The following RNF141 variants were observed in gnomAD, a reference collection of about 807,000 sequenced individuals.
RNF141 encodes C3HC4-like zinc finger protein.
A neutral mutation model predicts 27.4 loss-of-function variants in RNF141; 18 were observed. The observed-to-expected ratio is 0.66, with a 90% CI of 0.45 to 0.97. The LOEUF is 0.97. Ranked by LOEUF, RNF141 falls within the 50% of genes least tolerant of loss-of-function variation. The probability of loss-of-function intolerance (pLI) is 0.00; values close to 1 mark genes in which losing one functional copy is unlikely to be tolerated. For missense variants in RNF141, 230 were observed against 279.4 expected (o/e 0.82, Z 1.26); for synonymous variants, 97 against 96.6 (o/e 1.00, Z -0.02).
chr11:10,532,407 C>T (rs1049695163), intron 2 of RNF141, among the ~76,000 whole-genome samples: 2 of 151,586 alleles, frequency 1.3e-5, no homozygotes, highest in African/African-American at 2.4e-5. Context: ...TAAATACACA[C>T]AGTAAAATGT....
rs540119049 is a variant in RNF141 at position 10,525,392 on chromosome 11, T to C, written c.253-19A>G. On this transcript the variant is annotated intron_variant, in intron 3 of 5. Coordinates refer to ENST00000265981, the MANE Select transcript of RNF141 (RefSeq NM_016422.4). ...TGTTAATCTAAAAATACAAAGAACA[T>C]GAAAAAGAAAAGTTGATCATTTCTC... is the stretch of plus-strand genomic sequence containing the variant. 57 of 1,533,086 alleles carry C rather than the reference T, an allele frequency of 3.7e-5. No homozygotes were observed. The highest frequency in any genetic ancestry group is 1.3e-4 in the South Asian group (10 of 78,320). 95.0% of individuals were successfully genotyped at this position (1,533,086 alleles called of 1,614,324 possible). A position where few individuals can be genotyped will look rare whatever the true frequency, so the allele number is the denominator to read the frequency against.
chr11:10,536,446 CA>C (rs1850036969), intron 1 of RNF141, among the ~76,000 whole-genome samples: 1 of 151,920 alleles, frequency 6.6e-6, no homozygotes, highest in Admixed American at 6.6e-5. Flanking sequence ...TGCGGATGAC[CA>C]AAACTGGAAT....
At chr11:10,518,855 T>C in intron 5 of RNF141, 179 bp downstream of exon 5, 1 of 467,420 alleles carries the variant, frequency 2.1e-6, no homozygotes. Flanking sequence ...ATTTAATAAA[T>C]GTTAGGTGTA....
At chr11:10,534,747 G>C (rs1263639040) in intron 1 of RNF141, among the ~76,000 whole-genome samples, 1 of 152,012 alleles carries the variant, frequency 6.6e-6, no homozygotes, top group Non-Finnish European at 1.5e-5. Flanking sequence ...AGTGAACTCT[G>C]AATTTGTTTT....
chr11:10,538,943 G>C (rs10770124), intron 1 of RNF141, among the ~76,000 whole-genome samples: 1 of 152,034 alleles, frequency 6.6e-6, no homozygotes, highest in Non-Finnish European at 1.5e-5. Flanking sequence ...AACAAAAGAT[G>C]AATTTCTGGT....
chr11:10,524,232 G>C (rs917931283), intron 4 of RNF141, among the ~76,000 whole-genome samples: 1 of 152,124 alleles, frequency 6.6e-6, no homozygotes, highest in African/African-American at 2.4e-5. Context: ...TGGCTAACAC[G>C]GTGAAACCCC....
rs192332760 is a variant in RNF141 at position 10,527,449 on chromosome 11, T to C, written c.253-2076A>G. 5.0e-3 allele frequency among the ~76,000 whole-genome samples: 754 copies of C among 152,102 alleles called. 6 individuals are homozygous for C. The highest frequency in any genetic ancestry group is 6.6e-3 in the Non-Finnish European group (450 of 68,002). On this transcript the variant is annotated intron_variant, in intron 3 of 5. Coordinates refer to ENST00000265981, the MANE Select transcript of RNF141 (RefSeq NM_016422.4). ...CATTCCAGGCTGAGACAACAGGAAA[T>C]ACAAAGGCTGTTTAATAGAGGTGTA... is the stretch of plus-strand genomic sequence containing the variant.
Position 10,525,247 on chromosome 11 carries a change from G to C in RNF141, c.379C>G (p.Pro127Ala), listed in dbSNP as rs376599478. The change falls in exon 4 of 6, where the codon CCT becomes GCT. Residue 127 changes from proline (P) to alanine (A), a missense_variant. Physicochemically the swap from Pro to Ala is conservative, Grantham distance 27. Transcript: ENST00000265981. ...GTTACAGAGGATGAGTTTTCATCAG[G>C]TTCTTCAGAGGTGGAGCTCTGTGCC... Reference protein sequence around the residue: ...VLAQSSTSEEPDENSSSVTSC... With the variant: ...VLAQSSTSEEADENSSSVTSC... The C allele has an allele frequency of 3.7e-6, 6 of 1,612,774 alleles. No homozygotes were observed. The East Asian group carries it at 8.9e-5, about 24-fold the overall frequency.
chr11:10,539,518 ATTTAC>A (rs1376679437), intron 1 of RNF141, among the ~76,000 whole-genome samples: 1 of 150,712 alleles, frequency 6.6e-6, no homozygotes, highest in African/African-American at 2.4e-5. Flanking sequence ...TAAGGATATT[ATTTAC>A]TTTATTACTC....
At chr11:10,515,589 TG>T (rs1849837041) in intron 5 of RNF141, 1 of 152,226 alleles carries the variant, frequency 6.6e-6, no homozygotes. Flanking sequence ...CTCGCATCAA[TG>T]GAAGATTTGG....
At chr11:10,536,617 G>C (rs1186272427) in intron 1 of RNF141, among the ~76,000 whole-genome samples, 1 of 152,116 alleles carries the variant, frequency 6.6e-6, no homozygotes, top group East Asian at 1.9e-4. Context: ...CTGGGTTTTT[G>C]TTTTTGTGTT....
At chr11:10,518,057 G>A (rs142073895) in intron 5 of RNF141, among the ~76,000 whole-genome samples, 161 of 152,222 alleles carry the variant, frequency 1.1e-3, no homozygotes, top group Non-Finnish European at 1.0e-3. Flanking sequence ...AATATACAGC[G>A]TATGTGGATA....
intron 5 of RNF141, chr11:10,516,519 A>G (rs1849844318): frequency 1.3e-5 from 2 of 152,352 alleles, no homozygotes; most frequent in Non-Finnish European, 2.9e-5. Context: ...CCAAACAGCT[A>G]GGGTTTACAG....
chr11:10,532,384 T>C (rs904178538), intron 2 of RNF141, among the ~76,000 whole-genome samples: 43 of 151,868 alleles, frequency 2.8e-4, no homozygotes, highest in Admixed American at 1.5e-3. Context: ...TATATTTTTA[T>C]CATAAAAATA....
chr11:10,518,525 C>T (rs916224674), intron 5 of RNF141: 2 of 152,174 alleles, frequency 1.3e-5, no homozygotes, highest in African/African-American at 4.8e-5. Flanking sequence ...TATAAAAATT[C>T]ATAACTTTTA....
intron 1 of RNF141, among the ~76,000 whole-genome samples, chr11:10,537,741 A>C (rs1850050938): frequency 6.6e-6 from 1 of 152,246 alleles, no homozygotes; most frequent in African/African-American, 2.4e-5. Context: ...AAAACATGAC[A>C]AGACACAAGG....
chr11:10,515,073 G>A lies in RNF141; in HGVS notation c.543-7C>T. Reference sequence around the variant, plus strand: ...ATTCCTGTGTCGATCACTCCTATTAGAGAAGTCAAAACAAAACAGTTTGCT... The same window carrying A: ...ATTCCTGTGTCGATCACTCCTATTAAAGAAGTCAAAACAAAACAGTTTGCT... On this transcript the variant is annotated splice_region_variant and splice_polypyrimidine_tract_variant and intron_variant, in intron 5 of 5. Transcript: ENST00000265981. 2 of 1,603,992 alleles carry A rather than the reference G, an allele frequency of 1.2e-6. No individual in the cohort carries two copies. The highest frequency in any genetic ancestry group is 1.7e-6 in the Non-Finnish European group (2 of 1,176,564).
rs1274209817 is a variant in RNF141, at chr11:10,514,099, T to C, written c.*817A>G. On this transcript the variant is annotated 3_prime_UTR_variant, in exon 6 of 6. Transcript: ENST00000265981. Reference sequence around the variant, plus strand: ...TATAGTAATTTAGAAATATAAAATTTAGTATTTGTGATGCAGAATAATTTC... The same window carrying C: ...TATAGTAATTTAGAAATATAAAATTCAGTATTTGTGATGCAGAATAATTTC... 6.6e-6 allele frequency: 1 copy of C among 152,212 alleles called. No homozygotes were observed. The highest frequency in any genetic ancestry group is 1.5e-5 in the Non-Finnish European group (1 of 68,044). The allele number at this position is 152,212 out of a possible 1,614,324, so 9.4% of individuals were successfully genotyped here. A position where few individuals can be genotyped will look rare whatever the true frequency, so the allele number is the denominator to read the frequency against.
chr11:10,519,527 G>A (rs1296298869), intron 4 of RNF141, among the ~76,000 whole-genome samples: 1 of 152,168 alleles, frequency 6.6e-6, no homozygotes, highest in East Asian at 1.9e-4. Context: ...GAAACTCATT[G>A]TTAGGTGATT....
Sources: allele counts gnomAD v4.1 joint callset (sites outside exome capture counted in the v4.1 genomes callset), GRCh38; gene constraint gnomAD v4.1.1; transcripts MANE v1.5; gene names NCBI Gene and HGNC (gene_info 2026-07-23, HGNC 2026-07-21).